The following ATP8B4 variants were observed in gnomAD, a reference collection of about 807,000 sequenced individuals.
The protein encoded by ATP8B4 is ATPase phospholipid transporting 8B4 (putative).
ATP8B4 carries 133 observed loss-of-function variants against 145.6 expected under a neutral mutation model. The observed-to-expected ratio is 0.91, with a 90% CI of 0.79 to 1.05. The LOEUF (loss-of-function observed/expected upper bound fraction) is 1.05. Ranked by LOEUF, ATP8B4 falls within the 50% of genes least tolerant of loss-of-function variation. The probability of loss-of-function intolerance (pLI) is 0.00; values close to 1 mark genes in which losing one functional copy is unlikely to be tolerated. For synonymous variants in ATP8B4, 507 were observed against 492.9 expected, an observed-to-expected ratio of 1.03 and a Z score of -0.38; for missense variants, 1,458 against 1,425.2, an observed-to-expected ratio of 1.02 and a Z score of -0.37.
At chr15:50,132,626 T>G (rs1471558104) in intron 1 of ATP8B4, among the ~76,000 whole-genome samples, 1 of 152,116 alleles carries the variant, frequency 6.6e-6, no homozygotes, top group African/African-American at 2.4e-5. Context: ...ACTCAAAGGA[T>G]TATAAATCAT....
intron 9 of ATP8B4, among the ~76,000 whole-genome samples, chr15:49,992,905 A>G (rs1415724944): frequency 5.9e-5 from 9 of 152,096 alleles, no homozygotes; most frequent in Admixed American, 5.2e-4. Context: ...AACATATACA[A>G]TGTTGATATC....
intron 8 of ATP8B4, 55 bp downstream of exon 8, chr15:50,002,098 A>G: frequency 1.4e-6 from 2 of 1,408,000 alleles, no homozygotes; most frequent in Non-Finnish European, 2.0e-6. Context: ...CTCTAAAGAC[A>G]TTACTTTTAA....
intron 12 of ATP8B4, among the ~76,000 whole-genome samples, chr15:49,974,035 TTC>T (rs2045431346): frequency 1.3e-5 from 2 of 152,212 alleles, no homozygotes; most frequent in Admixed American, 6.5e-5. Flanking sequence ...AGTCTATTAA[TTC>T]TGTCAAAAAA....
intron 14 of ATP8B4, among the ~76,000 whole-genome samples, chr15:49,956,105 T>C (rs2043535869): frequency 6.6e-6 from 1 of 152,194 alleles, no homozygotes; most frequent in Non-Finnish European, 1.5e-5. Flanking sequence ...GATTACTGAC[T>C]TCTGGAATGT....
At chr15:49,939,534 A>G (rs978109783) in intron 14 of ATP8B4, among the ~76,000 whole-genome samples, 8 of 152,130 alleles carry the variant, frequency 5.3e-5, no homozygotes, top group Non-Finnish European at 5.9e-5. Flanking sequence ...AACACACAAT[A>G]TCCCAAGATT....
At chr15:49,870,768 AC>A (rs550680970) in intron 25 of ATP8B4, among the ~76,000 whole-genome samples, 9 of 152,372 alleles carry the variant, frequency 5.9e-5, no homozygotes, top group Admixed American at 3.3e-4. Flanking sequence ...GTATGGTAAA[AC>A]AGACATTTTC....
At chr15:49,863,035 T>A (rs536980638) in intron 26 of ATP8B4, among the ~76,000 whole-genome samples, 1 of 152,298 alleles carries the variant, frequency 6.6e-6, no homozygotes, top group South Asian at 2.1e-4. Context: ...AACTATCACA[T>A]CAAAGCTACA....
chr15:49,983,926 T>C (rs529521775), intron 10 of ATP8B4, among the ~76,000 whole-genome samples: 1 of 152,344 alleles, frequency 6.6e-6, no homozygotes, highest in East Asian at 1.9e-4. Context: ...TGCCTCTTTC[T>C]CTCTCCTACC....
chr15:50,133,176 C>A lies in ATP8B4; in HGVS notation c.-42-26168G>T, dbSNP rs114932681. On this transcript the variant is annotated intron_variant, in intron 1 of 3. Coordinates refer to the ATP8B4 transcript ENST00000558829. ...TTCAGCCATGAAAATGAAGAAAATC[C>A]TTCCATTTGTGACAACCTAGATCAG... 5.7e-3 allele frequency among the ~76,000 whole-genome samples: 864 copies of A among 152,232 alleles called. 9 individuals carry two copies. Among genetic ancestry groups the A allele is most frequent in the African/African-American group, 0.02 (825 of 41,540 alleles).
chr15:49,985,812 C>T (rs116849055), intron 10 of ATP8B4, among the ~76,000 whole-genome samples: 1 of 152,222 alleles, frequency 6.6e-6, no homozygotes, highest in Non-Finnish European at 1.5e-5. Context: ...GTCAAGCATC[C>T]TTTTCCGTAT....
chr15:49,877,962 C>G (rs534502447), intron 24 of ATP8B4, among the ~76,000 whole-genome samples: 4 of 152,214 alleles, frequency 2.6e-5, no homozygotes, highest in African/African-American at 9.6e-5. Context: ...CTCTCCAAGG[C>G]TTGGTTTCTG....
At chr15:50,030,620 C>A (rs916859830) in intron 6 of ATP8B4, among the ~76,000 whole-genome samples, 1 of 152,164 alleles carries the variant, frequency 6.6e-6, no homozygotes, top group Non-Finnish European at 1.5e-5. Flanking sequence ...TAAACCCCCT[C>A]AATTTTCTCC....
intron 12 of ATP8B4, among the ~76,000 whole-genome samples, chr15:49,977,514 C>G (rs1430187701): frequency 6.6e-6 from 1 of 152,118 alleles, no homozygotes; most frequent in Non-Finnish European, 1.5e-5. Context: ...TTCTGCCCCT[C>G]TTTAGCTCAT....
At chr15:50,045,263 G>A (rs1384047019) in intron 4 of ATP8B4, among the ~76,000 whole-genome samples, 1 of 152,170 alleles carries the variant, frequency 6.6e-6, no homozygotes, top group Non-Finnish European at 1.5e-5. Context: ...GTCAGGAAAT[G>A]TTGCAGACCT....
At chr15:50,144,603 C>G (rs2044252848) in intron 1 of ATP8B4, among the ~76,000 whole-genome samples, 2 of 152,182 alleles carry the variant, frequency 1.3e-5, no homozygotes, top group South Asian at 4.1e-4. Flanking sequence ...CACCAAGTCC[C>G]TCCCTTGACA....
At chr15:50,151,471 G>A (rs2044346338) in intron 1 of ATP8B4, among the ~76,000 whole-genome samples, 1 of 152,228 alleles carries the variant, frequency 6.6e-6, no homozygotes, top group East Asian at 1.9e-4. Context: ...TATGCACACT[G>A]TCAAATATGA....
intron 2 of ATP8B4, among the ~76,000 whole-genome samples, chr15:50,078,650 A>C (rs1389644832): frequency 6.6e-6 from 1 of 152,130 alleles, no homozygotes; most frequent in Non-Finnish European, 1.5e-5. Flanking sequence ...GTAACTCTTC[A>C]AAGTGAAAGG....
chr15:50,021,791 T>TA (rs2049595058), intron 6 of ATP8B4, among the ~76,000 whole-genome samples: 1 of 152,250 alleles, frequency 6.6e-6, no homozygotes. Flanking sequence ...CTCATTTCTG[T>TA]ATCCTTAGTA....
intron 10 of ATP8B4, among the ~76,000 whole-genome samples, chr15:49,981,979 CAAAT>C (rs2046193552): frequency 6.6e-6 from 1 of 152,022 alleles, no homozygotes; most frequent in Non-Finnish European, 1.5e-5. Flanking sequence ...AGATGATAAA[CAAAT>C]AAGAATATTG....
Sources: gnomAD v4.1 joint callset for allele counts (sites outside exome capture counted in the v4.1 genomes callset) on GRCh38, gnomAD v4.1.1 for gene constraint, MANE v1.5 for transcripts, NCBI Gene and HGNC (gene_info 2026-07-23, HGNC 2026-07-21) for gene names.